The following SLC9C1 variants were observed in gnomAD, a reference collection of about 807,000 sequenced individuals.
SLC9C1 encodes the protein solute carrier family 9 member C1, also known as sodium/hydrogen exchanger 10.
In SLC9C1, 97 loss-of-function variants were observed where a neutral mutation model predicts 140.9. That is an observed-to-expected ratio of 0.69 (90% confidence interval 0.58 to 0.82). SLC9C1 has a LOEUF of 0.82. Among genes scored for constraint, SLC9C1 ranks in the 40% least tolerant of loss-of-function variants. The pLI, the probability that SLC9C1 is intolerant of heterozygous loss-of-function variation, is 0.00. For synonymous variants in SLC9C1, 440 were observed against 442.6 expected, an observed-to-expected ratio of 0.99 and a Z score of 0.07; for missense variants, 1,340 against 1,389.3, an observed-to-expected ratio of 0.96 and a Z score of 0.56.
chr3:112,151,273 A>C (rs914869168), intron 28 of SLC9C1: 12 of 504,180 alleles, frequency 2.4e-5, no homozygotes, highest in Middle Eastern at 3.3e-4. Context: ...ATACATTTTG[A>C]ACAGTTAACT....
intron 20 of SLC9C1, among the ~76,000 whole-genome samples, chr3:112,186,363 A>G (rs1394361754): frequency 6.6e-6 from 1 of 152,164 alleles, no homozygotes; most frequent in African/African-American, 2.4e-5. Context: ...TCTGGAATTG[A>G]TTTTTTGTGT....
intron 20 of SLC9C1, among the ~76,000 whole-genome samples, chr3:112,190,183 G>A (rs923335321): frequency 1.3e-5 from 2 of 152,126 alleles, no homozygotes; most frequent in African/African-American, 4.8e-5. Flanking sequence ...CTGCAAACAG[G>A]GAAAATTTGA....
chr3:112,226,829 T>A lies in SLC9C1; in HGVS notation c.1572+4532A>T, dbSNP rs79291739. Among the ~76,000 whole-genome samples, 1,480 of 151,566 alleles carry A rather than the reference T, an allele frequency of 9.8e-3. 29 individuals are homozygous for A. The highest frequency in any genetic ancestry group is 0.034 in the African/African-American group (1,398 of 41,260). On this transcript the variant is annotated intron_variant, in intron 13 of 28. Coordinates refer to ENST00000305815, the MANE Select transcript of SLC9C1 (RefSeq NM_183061.3). The stretch of plus-strand genomic sequence containing the variant: ...CCCAAAATTAAGTCAAGGAAAGAAG[T>A]AATAAAAATCAGAACTAAAATAAGT...
intron 22 of SLC9C1, 98 bp from the exon 23 acceptor site, chr3:112,179,799 A>G: frequency 3.4e-6 from 3 of 886,716 alleles, no homozygotes; most frequent in Non-Finnish European, 4.8e-6. Context: ...GAACAATTCT[A>G]ATATTTACAT....
chr3:112,182,360 C>A, intron 20 of SLC9C1, 102 bp from the exon 21 acceptor site: 1 of 1,224,074 alleles, frequency 8.2e-7, no homozygotes, highest in Non-Finnish European at 1.1e-6. Flanking sequence ...GATCATTTGA[C>A]ATTTTTCTTC....
At chr3:112,260,391 A>T (rs10934157) in intron 10 of SLC9C1, among the ~76,000 whole-genome samples, 44,979 of 151,672 alleles carry the variant, frequency 0.3, 7,221 homozygotes, top group East Asian at 0.43. Flanking sequence ...TTTTTAAAGT[A>T]TTGCTGGTTC....
Position 112,294,139 on chromosome 3 carries a change from T to C in SLC9C1, c.-134A>G, listed in dbSNP as rs2080768390. 1 of 152,050 alleles carries C rather than the reference T, an allele frequency of 6.6e-6. No individual in the cohort carries two copies. Among genetic ancestry groups the C allele is most frequent in the Admixed American group, 6.6e-5 (1 of 15,252 alleles). 9.4% of individuals were successfully genotyped at this position (152,050 alleles called of 1,614,324 possible). On this transcript the variant is annotated 5_prime_UTR_variant, in exon 1 of 29. Transcript: ENST00000305815. ...TATCCCGTGGTGTGCAAGTGAGAAG[T>C]GGGGGGCAGCTATTTCGCTCACAGC...
intron 26 of SLC9C1, among the ~76,000 whole-genome samples, chr3:112,156,414 C>G (rs2075129474): frequency 6.6e-6 from 1 of 151,856 alleles, no homozygotes; most frequent in East Asian, 1.9e-4. Flanking sequence ...TTTCTTTATC[C>G]ATTTGTTGAT....
At chr3:112,272,781 A>C (rs1391422768) in intron 6 of SLC9C1, among the ~76,000 whole-genome samples, 1 of 152,170 alleles carries the variant, frequency 6.6e-6, no homozygotes, top group Non-Finnish European at 1.5e-5. Flanking sequence ...TTACAAGGCA[A>C]GCTCTATGGA....
At chr3:112,182,390 C>T (rs1318811660) in intron 20 of SLC9C1, 132 bp from the exon 21 acceptor site, 1 of 942,600 alleles carries the variant, frequency 1.1e-6, no homozygotes, top group African/African-American at 1.7e-5. Context: ...CATTTTCAAC[C>T]TCTCTTTATA....
intron 20 of SLC9C1, among the ~76,000 whole-genome samples, chr3:112,195,090 T>C (rs556565120): frequency 2.6e-5 from 4 of 152,172 alleles, no homozygotes; most frequent in Non-Finnish European, 4.4e-5. Flanking sequence ...TACTCTGTAA[T>C]AGTGGTTTTT....
At chr3:112,282,841 C>A (rs1391253699) in intron 2 of SLC9C1, among the ~76,000 whole-genome samples, 5 of 152,096 alleles carry the variant, frequency 3.3e-5, no homozygotes, top group Non-Finnish European at 7.4e-5. Flanking sequence ...TTTTTGAAGT[C>A]TCCTTGAATA....
At chr3:112,268,876 A>G (rs1370420810) in intron 7 of SLC9C1, among the ~76,000 whole-genome samples, 2 of 152,130 alleles carry the variant, frequency 1.3e-5, no homozygotes, top group African/African-American at 4.8e-5. Context: ...AAATCATGTG[A>G]AGGGCTGTCT....
chr3:112,259,212 G>A (rs2079699031), intron 10 of SLC9C1, among the ~76,000 whole-genome samples: 1 of 152,040 alleles, frequency 6.6e-6, no homozygotes, highest in South Asian at 2.1e-4. Context: ...ACCAAATACT[G>A]CATGTTCTTA....
chr3:112,194,482 G>T (rs1041200661), intron 20 of SLC9C1, among the ~76,000 whole-genome samples: 2 of 152,042 alleles, frequency 1.3e-5, no homozygotes, highest in Admixed American at 6.5e-5. Flanking sequence ...TTCTTTTCAG[G>T]GGTGAAGGAA....
At chr3:112,177,078 C>T (rs1463209254) in intron 23 of SLC9C1, among the ~76,000 whole-genome samples, 1 of 146,898 alleles carries the variant, frequency 6.8e-6, no homozygotes, top group African/African-American at 2.5e-5. Context: ...GCGATCTCAG[C>T]TTACTGCAAC....
intron 28 of SLC9C1, among the ~76,000 whole-genome samples, chr3:112,146,669 G>T (rs911085958): frequency 2.6e-5 from 4 of 152,178 alleles, no homozygotes; most frequent in South Asian, 2.1e-4. Flanking sequence ...TGTTGTCCAA[G>T]AATATGGTTG....
intron 10 of SLC9C1, among the ~76,000 whole-genome samples, chr3:112,245,187 G>T (rs950711383): frequency 6.6e-6 from 1 of 152,126 alleles, no homozygotes; most frequent in Non-Finnish European, 1.5e-5. Flanking sequence ...CATATGACAT[G>T]TCTCACTGTG....
intron 28 of SLC9C1, among the ~76,000 whole-genome samples, chr3:112,145,589 C>T (rs1355797538): frequency 0.02 from 567 of 28,290 alleles, no homozygotes; most frequent in South Asian, 0.024. Context: ...CTGCCCTTGG[C>T]TTTTTTTTTT....
Sources: allele counts gnomAD v4.1 joint callset (sites outside exome capture counted in the v4.1 genomes callset), GRCh38; gene constraint gnomAD v4.1.1; transcripts MANE v1.5; gene names NCBI Gene and HGNC (gene_info 2026-07-23, HGNC 2026-07-21).